Variants in HHAT observed in about 807,000 individuals in gnomAD.
The protein encoded by HHAT is hedgehog acyltransferase.
Under a neutral mutation model 70.8 loss-of-function variants are expected in HHAT, and 47 were observed. That is an observed-to-expected ratio of 0.66 (90% CI 0.53 to 0.85). The LOEUF is 0.85. HHAT is among the 40% of genes least tolerant of loss of function. HHAT has a pLI of 0.00. For missense variants in HHAT, 609 were observed against 604.8 expected (o/e 1.01, Z -0.07); for synonymous variants, 228 against 247.6 (o/e 0.92, Z 0.74).
At chr1:210,584,124 G>A (rs1659890883) in intron 9 of HHAT, among the ~76,000 whole-genome samples, 1 of 151,606 alleles carries the variant, frequency 6.6e-6, no homozygotes, top group Admixed American at 6.6e-5. Context: ...TGTATTTTTA[G>A]TAGAGACAGG....
At chr1:210,330,098 G>A (rs2147894173) in intron 1 of HHAT, among the ~76,000 whole-genome samples, 1 of 152,310 alleles carries the variant, frequency 6.6e-6, no homozygotes, top group Non-Finnish European at 1.5e-5. Context: ...TAAGTGCTAT[G>A]GGAATGCAAG....
At chr1:210,419,670 ATC>A (rs1422156117) in intron 7 of HHAT, among the ~76,000 whole-genome samples, 7 of 152,236 alleles carry the variant, frequency 4.6e-5, no homozygotes, top group Non-Finnish European at 1.0e-4. Context: ...CACGTACTTA[ATC>A]AGAATGTTTC....
chr1:210,569,114 C>T (rs1308256219), intron 9 of HHAT, among the ~76,000 whole-genome samples: 1 of 152,090 alleles, frequency 6.6e-6, no homozygotes, highest in African/African-American at 2.4e-5. Context: ...TGGCTCATGC[C>T]TGTAATCCCA....
At chr1:210,341,138 C>T (rs1233959331) in intron 1 of HHAT, among the ~76,000 whole-genome samples, 2 of 152,128 alleles carry the variant, frequency 1.3e-5, no homozygotes, top group Non-Finnish European at 2.9e-5. Flanking sequence ...AGAGGGAAAT[C>T]TTCATTTAGG....
chr1:210,613,468 C>G (rs1276567529), intron 10 of HHAT, among the ~76,000 whole-genome samples: 1 of 152,072 alleles, frequency 6.6e-6, no homozygotes, highest in Non-Finnish European at 1.5e-5. Flanking sequence ...CTATTCTATT[C>G]CATTGGTCTA....
At chr1:210,338,626 G>A (rs1371870409) in intron 1 of HHAT, among the ~76,000 whole-genome samples, 1 of 152,098 alleles carries the variant, frequency 6.6e-6, no homozygotes, top group African/African-American at 2.4e-5. Flanking sequence ...CGCTATTACT[G>A]TGTTTTACAG....
intron 2 of HHAT, among the ~76,000 whole-genome samples, chr1:210,360,304 G>GTTTTT (rs398053777): frequency 4.3e-5 from 6 of 138,182 alleles, no homozygotes; most frequent in African/African-American, 1.3e-4. Flanking sequence ...TTGTTTTTGT[G>GTTTTT]TTTTTTTTTT....
chr1:210,334,538 T>A lies in HHAT; in HGVS notation c.-44+5434T>A, dbSNP rs1404895965. 7.8e-4 allele frequency among the ~76,000 whole-genome samples: 118 copies of A among 152,138 alleles called. 1 individual carries two copies. Among genetic ancestry groups the A allele is most frequent in the Non-Finnish European group, 2.9e-5 (2 of 68,022 alleles). On this transcript the variant is annotated intron_variant, in intron 1 of 11. Transcript: ENST00000261458. ...GCCCGGGTTCACAGTTGTTTCTGTT[T>A]GATGAAAGCTTTTGAGAGGGGATTG...
chr1:210,592,313 T>G (rs1279840377), intron 10 of HHAT, among the ~76,000 whole-genome samples: 1 of 152,160 alleles, frequency 6.6e-6, no homozygotes, highest in Non-Finnish European at 1.5e-5. Flanking sequence ...TGTATGTTCT[T>G]GGCACTTTTG....
At chr1:210,464,750 C>G in intron 8 of HHAT, 95 bp downstream of exon 8, 1 of 1,245,506 alleles carries the variant, frequency 8.0e-7, no homozygotes, top group Middle Eastern at 2.7e-4. Context: ...TATCCTCTCC[C>G]TGTCTCTCAC....
intron 3 of HHAT, among the ~76,000 whole-genome samples, chr1:210,370,427 C>A (rs2089462002): frequency 6.6e-6 from 1 of 151,828 alleles, no homozygotes; most frequent in Non-Finnish European, 1.5e-5. Flanking sequence ...CCCATCTTGG[C>A]CTCTCAAATT....
intron 9 of HHAT, among the ~76,000 whole-genome samples, chr1:210,556,660 G>A (rs1260281308): frequency 6.6e-6 from 1 of 152,200 alleles, no homozygotes. Context: ...TGCCATGTTT[G>A]ATTGATTGCA....
At chr1:210,400,700 G>T (rs780334199) in intron 5 of HHAT, 38 bp downstream of exon 5, 1 of 1,578,206 alleles carries the variant, frequency 6.3e-7, no homozygotes, top group South Asian at 1.2e-5. Flanking sequence ...ATCCAGAGAA[G>T]GCCCCTTTGG....
At chr1:210,483,779 T>C (rs956405509) in intron 8 of HHAT, among the ~76,000 whole-genome samples, 1 of 152,204 alleles carries the variant, frequency 6.6e-6, no homozygotes, top group Non-Finnish European at 1.5e-5. Flanking sequence ...GGTTACATTT[T>C]TGAAAGTTCA....
intron 9 of HHAT, among the ~76,000 whole-genome samples, chr1:210,552,415 T>A (rs747168905): frequency 6.6e-6 from 1 of 152,172 alleles, no homozygotes; most frequent in African/African-American, 2.4e-5. Flanking sequence ...CTGGCTGAGA[T>A]GGTGGAAATA....
chr1:210,652,292 G>A (rs1038292241), intron 11 of HHAT, among the ~76,000 whole-genome samples: 4 of 152,202 alleles, frequency 2.6e-5, no homozygotes, highest in African/African-American at 9.6e-5. Flanking sequence ...GGTCTTAAGA[G>A]TGAAAATAGA....
chr1:210,544,054 G>C (rs557151983), intron 9 of HHAT, among the ~76,000 whole-genome samples: 4 of 152,120 alleles, frequency 2.6e-5, no homozygotes, highest in African/African-American at 9.7e-5. Context: ...TGTCTGTTTC[G>C]GGGTCTTTGG....
chr1:210,530,253 A>C (rs1009822043), intron 9 of HHAT, among the ~76,000 whole-genome samples: 1 of 152,092 alleles, frequency 6.6e-6, no homozygotes, highest in Non-Finnish European at 1.5e-5. Flanking sequence ...CCCAATAAGG[A>C]TCTTAGCACA....
At chr1:210,587,799 A>G in intron 9 of HHAT, 99 bp from the exon 10 acceptor site, 3 of 856,048 alleles carry the variant, frequency 3.5e-6, no homozygotes, top group Non-Finnish European at 5.7e-6. Context: ...GGATCTGCAT[A>G]TGTGAACAGC....
Sources: gnomAD v4.1 joint callset for allele counts (sites outside exome capture counted in the v4.1 genomes callset) on GRCh38, gnomAD v4.1.1 for gene constraint, MANE v1.5 for transcripts, NCBI Gene and HGNC (gene_info 2026-07-23, HGNC 2026-07-21) for gene names.